The following GLIS3 variants were observed in gnomAD, a reference collection of about 807,000 sequenced individuals.
GLIS3 encodes the protein zinc finger protein GLIS3.
Under a neutral mutation model 78.6 loss-of-function variants are expected in GLIS3, and 53 were observed. That is an observed-to-expected ratio of 0.67 (90% CI 0.54 to 0.85). GLIS3 has a LOEUF of 0.85. GLIS3 is among the 40% of genes least tolerant of loss of function. GLIS3 has a pLI of 0.00. For missense variants in GLIS3, 1,703 were observed against 1,231.1 expected (o/e 1.38, Z -5.74); for synonymous variants, 684 against 509.9 (o/e 1.34, Z -4.60).
chr9:4,196,778 A>G (rs968399754), intron 2 of GLIS3, among the ~76,000 whole-genome samples: 1 of 152,306 alleles, frequency 6.6e-6, no homozygotes, highest in Non-Finnish European at 1.5e-5. Context: ...CAGTGAGACC[A>G]AGAACCCCCC....
At chr9:4,288,099 T>C (rs1828152430) in intron 1 of GLIS3, among the ~76,000 whole-genome samples, 1 of 152,154 alleles carries the variant, frequency 6.6e-6, no homozygotes, top group Non-Finnish European at 1.5e-5. Context: ...GTTCTTACAT[T>C]GGTAAAATTC....
intron 8 of GLIS3, among the ~76,000 whole-genome samples, chr9:3,871,554 C>G (rs529895397): frequency 6.6e-6 from 1 of 152,176 alleles, no homozygotes. Flanking sequence ...TCTGTGTACC[C>G]GCAGGCTCAA....
At chr9:4,397,405 A>G in the GLIS3 span, among the ~76,000 whole-genome samples, 2 of 151,732 alleles carry the variant, frequency 1.3e-5, no homozygotes, top group African/African-American at 2.4e-5. Flanking sequence ...TTTCCAACAC[A>G]TTATTGTTCT....
At chr9:3,843,667 T>A (rs1251755908) in intron 9 of GLIS3, among the ~76,000 whole-genome samples, 1 of 152,176 alleles carries the variant, frequency 6.6e-6, no homozygotes, top group Non-Finnish European at 1.5e-5. Context: ...AAACATATAT[T>A]GATATATGAA....
intron 4 of GLIS3, among the ~76,000 whole-genome samples, chr9:3,961,774 A>T (rs1817573404): frequency 6.6e-6 from 1 of 152,232 alleles, no homozygotes; most frequent in Non-Finnish European, 1.5e-5. Context: ...ATCTTCGCTG[A>T]CTACCAATCA....
chr9:4,036,082 C>G (rs1047752670), intron 4 of GLIS3: 1 of 152,210 alleles, frequency 6.6e-6, no homozygotes, highest in African/African-American at 2.4e-5. Flanking sequence ...TCAAGGTCAT[C>G]TTTAAGACCT....
intron 2 of GLIS3, among the ~76,000 whole-genome samples, chr9:4,191,735 T>C (rs1200947625): frequency 6.6e-6 from 1 of 152,128 alleles, no homozygotes; most frequent in Non-Finnish European, 1.5e-5. Flanking sequence ...AATTAGTAAA[T>C]GAAAATGAAT....
intron 1 of GLIS3, among the ~76,000 whole-genome samples, chr9:4,296,814 TA>T (rs1337366871): frequency 6.7e-6 from 1 of 150,026 alleles, no homozygotes; most frequent in East Asian, 2.0e-4. Context: ...GCCTCAGAGC[TA>T]GTCTGGCTGC....
At chr9:4,103,170 C>T (rs571276513) in intron 4 of GLIS3, among the ~76,000 whole-genome samples, 6 of 152,180 alleles carry the variant, frequency 3.9e-5, no homozygotes, top group Admixed American at 1.3e-4. Flanking sequence ...ACACATAGTA[C>T]ACAAAAGGTT....
At position 3,827,719 on chromosome 9, in the gene GLIS3, A is replaced by T. The variant is rs1250218586; in HGVS notation, c.*553T>A. The stretch of plus-strand genomic sequence containing the variant: ...TTTTCTATTGAAGAGAAACACTGAG[A>T]AGCAACTGGTTAGCATGTGGCTAAG... On this transcript the variant is annotated 3_prime_UTR_variant, in exon 11 of 11. Coordinates refer to ENST00000381971, the MANE Select transcript of GLIS3 (RefSeq NM_001042413.2). 3 of 157,602 alleles carry T rather than the reference A, an allele frequency of 1.9e-5. No individual in the cohort carries two copies. Among genetic ancestry groups the T allele is most frequent in the African/African-American group, 7.2e-5 (3 of 41,446 alleles). 9.8% of individuals were successfully genotyped at this position (157,602 alleles called of 1,614,324 possible).
intron 4 of GLIS3, among the ~76,000 whole-genome samples, chr9:4,112,268 T>C (rs1265543514): frequency 6.6e-6 from 1 of 152,166 alleles, no homozygotes; most frequent in African/African-American, 2.4e-5. Flanking sequence ...TAATATCTTA[T>C]CTCGTCTCTG....
intron 2 of GLIS3, among the ~76,000 whole-genome samples, chr9:4,275,586 C>T (rs1315398859): frequency 1.4e-5 from 2 of 147,796 alleles, no homozygotes; most frequent in African/African-American, 5.0e-5. Context: ...ACAACAAGAT[C>T]CCATCTCTAC....
intron 2 of GLIS3, among the ~76,000 whole-genome samples, chr9:4,128,727 T>G (rs540514653): frequency 6.6e-6 from 1 of 152,324 alleles, no homozygotes; most frequent in Admixed American, 6.5e-5. Flanking sequence ...TGGGCCAGAA[T>G]TTTACACTGG....
the GLIS3 span, among the ~76,000 whole-genome samples, chr9:4,447,329 T>C: frequency 2.6e-5 from 4 of 152,132 alleles, no homozygotes; most frequent in East Asian, 7.7e-4. Flanking sequence ...TTGATCCATT[T>C]GTGAGCTACC....
Position 4,094,896 on chromosome 9 carries a change from T to A in GLIS3, c.1710+22872A>T, listed in dbSNP as rs76833786. On this transcript the variant is annotated intron_variant, in intron 4 of 10. Coordinates refer to ENST00000381971, the MANE Select transcript of GLIS3 (RefSeq NM_001042413.2). ...TGAAGTATTTTTAATTGCTTAATTT[T>A]ATTTTTATTTAACATAATAATTGTA... 3.2e-3 allele frequency among the ~76,000 whole-genome samples: 494 copies of A among 152,218 alleles called. 1 individual carries two copies. The highest frequency in any genetic ancestry group is 5.3e-3 in the Non-Finnish European group (363 of 67,968).
At chr9:3,853,007 A>C (rs1391403510) in intron 9 of GLIS3, among the ~76,000 whole-genome samples, 3 of 152,128 alleles carry the variant, frequency 2.0e-5, no homozygotes, top group Non-Finnish European at 2.9e-5. Flanking sequence ...CCAAGAGTTC[A>C]AGACCAGCCT....
chr9:4,208,034 C>T (rs1477088644), intron 2 of GLIS3, among the ~76,000 whole-genome samples: 1 of 152,168 alleles, frequency 6.6e-6, no homozygotes, highest in Non-Finnish European at 1.5e-5. Flanking sequence ...TGTACACCAC[C>T]AGGAAAGTGA....
At chr9:4,257,068 T>C (rs748744211) in intron 2 of GLIS3, among the ~76,000 whole-genome samples, 2 of 152,102 alleles carry the variant, frequency 1.3e-5, no homozygotes, top group East Asian at 1.9e-4. Flanking sequence ...TGTGTACATA[T>C]GTATGTGTAC....
intron 4 of GLIS3, among the ~76,000 whole-genome samples, chr9:4,010,399 G>A (rs1242307627): frequency 6.6e-6 from 1 of 152,102 alleles, no homozygotes; most frequent in Non-Finnish European, 1.5e-5. Flanking sequence ...CCTCAGACTG[G>A]CCCAGAGTTA....
Sources: gnomAD v4.1 joint callset for allele counts (sites outside exome capture counted in the v4.1 genomes callset) on GRCh38, gnomAD v4.1.1 for gene constraint, MANE v1.5 for transcripts, NCBI Gene and HGNC (gene_info 2026-07-23, HGNC 2026-07-21) for gene names.